Variants in ZPR1 observed in about 807,000 individuals in gnomAD.
ZPR1 encodes zinc finger protein ZPR1.
In ZPR1, 37 loss-of-function variants were observed where a neutral mutation model predicts 59.6. That is an observed-to-expected ratio of 0.62 (90% CI 0.48 to 0.82). The LOEUF is 0.82. ZPR1 is among the 40% of genes least tolerant of loss of function. The pLI is 0.00. For missense variants in ZPR1, 527 were observed against 579.9 expected (o/e 0.91, Z 0.94); for synonymous variants, 191 against 215.2 (o/e 0.89, Z 0.99).
chr11:116,784,901 G>A lies in ZPR1; in HGVS notation c.774C>T (p.Asn258=). Residue 258 remains asparagine, a synonymous_variant, in exon 8 of 14, where the codon AAC becomes AAT. Transcript: ENST00000227322. ...LRNEVLQFST[N]CPECNAPAQT... is the part of the protein sequence containing the mutation. ...GAGCGGGGGCATTGCATTCTGGGCA[G>A]TTTGTGCTGAACTGGAGCACCTGGA... The A allele has an allele frequency of 6.2e-7, 1 of 1,614,212 alleles. No homozygotes were observed. The highest frequency in any genetic ancestry group is 8.5e-7 in the Non-Finnish European group (1 of 1,180,028).
chr11:116,781,154 T>A (rs9633942), intron 12 of ZPR1, among the ~76,000 whole-genome samples: 1 of 151,266 alleles, frequency 6.6e-6, no homozygotes, highest in Non-Finnish European at 1.5e-5. Context: ...AAGAGTAAAT[T>A]ATAGAAGACC....
rs1332222652 is a variant in ZPR1 at position 116,782,968 on chromosome 11, C to T, written c.1043G>A (p.Gly348Glu). Residue 348 changes from glycine (G) to glutamate (E), a missense_variant, in exon 11 of 14, where the codon GGG (glycine) becomes GAG (glutamate). Gly to Glu is a moderately conservative substitution (Grantham distance 98). Coordinates refer to ENST00000227322, the MANE Select transcript of ZPR1 (RefSeq NM_003904.5). The part of the protein sequence containing the change: ...LEFELGMAVL[G>E]GKFTTLEGLL... ...CCCTTCCAGTGTGGTGAACTTGCCCCCGAGGACTGCCATTCCCAGTTCAAA... is the reference window on the plus strand; with the variant it reads ...CCCTTCCAGTGTGGTGAACTTGCCCTCGAGGACTGCCATTCCCAGTTCAAA... 4 of 1,614,092 alleles carry T rather than the reference C, an allele frequency of 2.5e-6. No homozygotes were observed. The highest frequency in any genetic ancestry group is 3.4e-6 in the Non-Finnish European group (4 of 1,180,042).
chr11:116,786,376 T>C, intron 4 of ZPR1, 135 bp downstream of exon 4: 3 of 876,830 alleles, frequency 3.4e-6, no homozygotes, highest in South Asian at 3.1e-5. Flanking sequence ...ATATGCAACA[T>C]TCTAGCAGCT....
intron 12 of ZPR1, among the ~76,000 whole-genome samples, chr11:116,781,632 C>G (rs932054476): frequency 6.6e-6 from 1 of 152,180 alleles, no homozygotes; most frequent in African/African-American, 2.4e-5. Context: ...AATTTTATTT[C>G]CCATGCACTT....
At position 116,783,526 on chromosome 11, in the gene ZPR1, T is replaced by C. The variant is rs778321471; in HGVS notation, c.981+4A>G. ...AACAGTGACTTTCCCAAGCAGACTG[T>C]TACCTTGAGGAGGTCTCTGGTCATA... On this transcript the variant is annotated splice_donor_region_variant and intron_variant, in intron 10 of 13. Transcript: ENST00000227322. 2.5e-6 allele frequency: 4 copies of C among 1,612,972 alleles called. No individual in the cohort carries two copies. The highest frequency in any genetic ancestry group is 3.4e-6 in the Non-Finnish European group (4 of 1,178,936).
rs1435947925 is a variant in ZPR1, at chr11:116,779,017, G to A, written c.1288C>T (p.Arg430Cys). ...PEDDPEMKVERYKRTFDQNEE... is the reference protein window; with the variant it reads ...PEDDPEMKVECYKRTFDQNEE... ...TTTTGGTCAAAGGTGCGCTTGTAACGCTCCACCTTCATCTCAGGATCATCT... is the reference window on the plus strand; with the variant it reads ...TTTTGGTCAAAGGTGCGCTTGTAACACTCCACCTTCATCTCAGGATCATCT... The change falls in exon 14 of 14, where the codon CGT becomes TGT. Residue 430 changes from arginine to cysteine, a missense_variant. By Grantham distance (180) the Arg-to-Cys change is radical (BLOSUM62 -3). Transcript: ENST00000227322. The A allele has an allele frequency of 6.2e-6, 10 of 1,613,984 alleles. No homozygotes were observed. The highest frequency in any genetic ancestry group is 3.3e-5 in the South Asian group (3 of 91,090).
chr11:116,778,713 T>G lies in ZPR1; in HGVS notation c.*212A>C, dbSNP rs1940754847. 2 of 610,070 alleles carry G rather than the reference T, an allele frequency of 3.3e-6. No homozygotes were observed. Among genetic ancestry groups the G allele is most frequent in the Non-Finnish European group, 5.3e-6 (2 of 374,300 alleles). 37.8% of individuals were successfully genotyped at this position (610,070 alleles called of 1,614,324 possible). On this transcript the variant is annotated 3_prime_UTR_variant, in exon 14 of 14. Transcript: ENST00000227322. Reference sequence around the variant, plus strand: ...GTTTCCTCCTAGGCCAATTCAAAACTTCCAAAATAAGGTCAAGTAACACAA... The same window carrying G: ...GTTTCCTCCTAGGCCAATTCAAAACGTCCAAAATAAGGTCAAGTAACACAA...
chr11:116,787,753 C>CT, intron 1 of ZPR1, 67 bp downstream of exon 1: 3 of 1,525,016 alleles, frequency 2.0e-6, no homozygotes, highest in Non-Finnish European at 2.6e-6. Flanking sequence ...CTGGCTGGGT[C>CT]TGACCCCCGG....
In ZPR1 at chr11:116,787,451, T is replaced by C. The variant is rs1164354748; in HGVS notation, c.333+31A>G. On this transcript the variant is annotated intron_variant, in intron 2 of 13. Transcript: ENST00000227322. ...CCCAGTACCGAATCTCTCTCTAGAA[T>C]ACTGAGGTACCTGCTCTGAGGTCCT... The C allele has an allele frequency of 3.7e-6, 6 of 1,604,334 alleles. No individual in the cohort carries two copies. The East Asian group carries it at 1.3e-4, about 36-fold the overall frequency.
Position 116,787,532 on chromosome 11 carries a change from T to C in ZPR1, c.283A>G (p.Arg95Gly). 1.9e-6 allele frequency: 3 copies of C among 1,614,224 alleles called. No individual in the cohort carries two copies. Among genetic ancestry groups the C allele is most frequent in the Non-Finnish European group, 2.5e-6 (3 of 1,180,020 alleles). Residue 95 changes from arginine (R) to glycine (G), a missense_variant, in exon 2 of 14, where the codon AGG becomes GGG. Arg to Gly is a moderately radical substitution (Grantham distance 125). Coordinates refer to ENST00000227322, the MANE Select transcript of ZPR1 (RefSeq NM_003904.5). ...WNNTEIQSAG[R>G]IQDQGVRYTL... ...TAGCGCACTCCCTGGTCCTGGATCC[T>C]GCCTGCCGACTGGATCTCCGTGTTG...
chr11:116,777,650 ACT>A lies in ZPR1; in HGVS notation c.*1273_*1274del, dbSNP rs1205519805. ...ACTCCAGCCTGGGCAACAGCGCGAG[ACT>A]CTGTCTCTACCAAAAAAAAAAAAAA... is the stretch of plus-strand genomic sequence containing the variant. On this transcript the variant is annotated 3_prime_UTR_variant, in exon 14 of 14. Transcript: ENST00000227322. The A allele has an allele frequency of 1.0e-4, 14 of 137,794 alleles. No homozygotes were observed. In the Admixed American group the frequency reaches 1.1e-3, roughly 10 times the overall value. The allele number at this position is 137,794 out of a possible 1,614,324, so 8.5% of individuals were successfully genotyped here. A position where few individuals can be genotyped will look rare whatever the true frequency, so the allele number is the denominator to read the frequency against.
intron 10 of ZPR1, 47 bp downstream of exon 10, chr11:116,783,483 T>C (rs772842916): frequency 2.5e-5 from 37 of 1,496,332 alleles, no homozygotes; most frequent in Non-Finnish European, 3.4e-5. Flanking sequence ...AGAGACAGTT[T>C]ATCTAACTTA....
chr11:116,787,369 G>A, intron 2 of ZPR1, 113 bp downstream of exon 2: 1 of 1,127,946 alleles, frequency 8.9e-7, no homozygotes. Context: ...AGAAACTAAG[G>A]CTAGGAGACA....
chr11:116,782,372 A>T, intron 11 of ZPR1, 128 bp from the exon 12 acceptor site: 1 of 698,112 alleles, frequency 1.4e-6, no homozygotes, highest in Non-Finnish European at 2.5e-6. Flanking sequence ...AGCCCACACC[A>T]CCTTTCTGAC....
chr11:116,784,854 C>T lies in ZPR1; in HGVS notation c.820+1G>A, dbSNP rs184113600. 2.1e-5 allele frequency: 34 copies of T among 1,614,180 alleles called. No homozygotes were observed. The East Asian group carries it at 3.3e-4, about 16-fold the overall frequency. The stretch of plus-strand genomic sequence containing the variant: ...CAACCCAACTGCTTGGCAAAAGATA[C>T]GTACTAGCTTCATGTTGGTCTGAGC... On this transcript the variant is annotated splice_donor_variant, in intron 8 of 13. Coordinates refer to ENST00000227322, the MANE Select transcript of ZPR1 (RefSeq NM_003904.5). LOFTEE classifies it high-confidence loss of function.
chr11:116,783,104 A>T, intron 10 of ZPR1, 75 bp from the exon 11 acceptor site: 1 of 1,094,064 alleles, frequency 9.1e-7, no homozygotes, highest in Non-Finnish European at 1.4e-6. Flanking sequence ...TGCCCAATTA[A>T]TACCAGCAGT....
At position 116,777,216 on chromosome 11, in the gene ZPR1, G is replaced by A. The variant is rs570192583; in HGVS notation, c.*1709C>T. On this transcript the variant is annotated 3_prime_UTR_variant, in exon 14 of 14. Coordinates refer to ENST00000227322, the MANE Select transcript of ZPR1 (RefSeq NM_003904.5). ...CAGTATCTCGAGAGCCAAAAGAAGG[G>A]TTAAGAAGAGATGGTCCACTATCAA... is the stretch of plus-strand genomic sequence containing the variant. The A allele has an allele frequency of 6.6e-6, 1 of 152,284 alleles. No homozygotes were observed. Among genetic ancestry groups the A allele is most frequent in the African/African-American group, 2.4e-5 (1 of 41,546 alleles). The allele number at this position is 152,284 out of a possible 1,614,324, so 9.4% of individuals were successfully genotyped here.
chr11:116,782,374 C>A, intron 11 of ZPR1, 130 bp from the exon 12 acceptor site: 1 of 700,400 alleles, frequency 1.4e-6, no homozygotes, highest in East Asian at 2.7e-5. Context: ...CCCACACCAC[C>A]TTTCTGACCA....
At chr11:116,786,423 C>T in intron 4 of ZPR1, 88 bp downstream of exon 4, 1 of 1,475,822 alleles carries the variant, frequency 6.8e-7, no homozygotes, top group Admixed American at 1.7e-5. Flanking sequence ...AAGTTTCCAA[C>T]ACTTAGTCAG....
Sources: allele counts gnomAD v4.1 joint callset (sites outside exome capture counted in the v4.1 genomes callset), GRCh38; gene constraint gnomAD v4.1.1; transcripts MANE v1.5; gene names NCBI Gene and HGNC (gene_info 2026-07-23, HGNC 2026-07-21).